The following COMMD10 variants were observed in gnomAD, a reference collection of about 807,000 sequenced individuals.
COMMD10 encodes the protein COMM domain-containing protein 10.
In COMMD10, 33 loss-of-function variants were observed where a neutral mutation model predicts 28.9. The observed-to-expected ratio is 1.14, with a 90% CI of 0.87 to 1.53. The LOEUF (loss-of-function observed/expected upper bound fraction) is 1.53. Among genes scored for constraint, COMMD10 ranks in the 40% most tolerant of loss-of-function variants. The pLI is 0.00. For synonymous variants in COMMD10, 110 were observed against 81.7 expected (o/e 1.35, Z -1.87); for missense variants, 310 against 233.4 (o/e 1.33, Z -2.14).
intron 5 of COMMD10, among the ~76,000 whole-genome samples, chr5:116,274,285 T>A (rs1187281805): frequency 6.6e-6 from 1 of 151,896 alleles, no homozygotes; most frequent in African/African-American, 2.4e-5. Flanking sequence ...TTTGAGACAT[T>A]TGTCTACAAT....
intron 5 of COMMD10, among the ~76,000 whole-genome samples, chr5:116,204,613 G>A (rs7709426): frequency 6.6e-6 from 1 of 151,834 alleles, no homozygotes; most frequent in Admixed American, 6.6e-5. Flanking sequence ...CCCTTTATTT[G>A]AATTTACAGA....
intron 5 of COMMD10, among the ~76,000 whole-genome samples, chr5:116,211,403 A>G (rs535553907): frequency 6.6e-6 from 1 of 152,130 alleles, no homozygotes; most frequent in Non-Finnish European, 1.5e-5. Context: ...CAATTGTAAA[A>G]CAGTGGTAAG....
intron 4 of COMMD10, among the ~76,000 whole-genome samples, chr5:116,101,362 A>G (rs954906974): frequency 1.3e-5 from 2 of 151,840 alleles, no homozygotes; most frequent in African/African-American, 4.8e-5. Context: ...TTTCCATAAG[A>G]GTTCTCTTTT....
chr5:116,131,649 CA>C (rs1751866892), intron 4 of COMMD10, among the ~76,000 whole-genome samples: 1 of 151,886 alleles, frequency 6.6e-6, no homozygotes, highest in African/African-American at 2.4e-5. Flanking sequence ...TTGTAGGTCA[CA>C]AGGATATAAA....
intron 5 of COMMD10, among the ~76,000 whole-genome samples, chr5:116,143,828 G>T (rs895258380): frequency 6.6e-6 from 1 of 151,780 alleles, no homozygotes; most frequent in Admixed American, 6.6e-5. Context: ...GAGTTACTAG[G>T]CAAGGTATTC....
intron 5 of COMMD10, among the ~76,000 whole-genome samples, chr5:116,147,952 A>G (rs1752398547): frequency 6.6e-6 from 1 of 151,842 alleles, no homozygotes; most frequent in African/African-American, 2.4e-5. Flanking sequence ...TTTTATTGTC[A>G]GTACATGAGC....
At chr5:116,270,888 G>A (rs1750734723) in intron 5 of COMMD10, among the ~76,000 whole-genome samples, 1 of 150,192 alleles carries the variant, frequency 6.7e-6, no homozygotes. Flanking sequence ...GCAGTCAGCC[G>A]AGATCACACC....
intron 4 of COMMD10, among the ~76,000 whole-genome samples, chr5:116,129,140 C>T (rs1402375774): frequency 1.3e-5 from 2 of 151,518 alleles, no homozygotes; most frequent in East Asian, 3.9e-4. Context: ...CTTCTTGTAA[C>T]TTTTGATTTT....
chr5:116,239,992 AGAGTT>A (rs1749772220), intron 5 of COMMD10, among the ~76,000 whole-genome samples: 1 of 152,116 alleles, frequency 6.6e-6, no homozygotes, highest in Non-Finnish European at 1.5e-5. Flanking sequence ...TCAGAGTAGA[AGAGTT>A]GAGGTGTCAT....
chr5:116,251,877 C>G (rs1352599290), intron 5 of COMMD10, among the ~76,000 whole-genome samples: 1 of 152,008 alleles, frequency 6.6e-6, no homozygotes, highest in Non-Finnish European at 1.5e-5. Flanking sequence ...ACACTGACTT[C>G]CACAAGGGTT....
At chr5:116,242,656 G>A (rs1310344148) in intron 5 of COMMD10, among the ~76,000 whole-genome samples, 1 of 152,146 alleles carries the variant, frequency 6.6e-6, no homozygotes, top group Non-Finnish European at 1.5e-5. Context: ...AGTGCAGAAA[G>A]AGGTATATAG....
intron 4 of COMMD10, among the ~76,000 whole-genome samples, chr5:116,121,493 A>G (rs186649332): frequency 5.3e-4 from 81 of 152,318 alleles, no homozygotes; most frequent in African/African-American, 1.9e-3. Context: ...TTGGGTATAT[A>G]CCCAGTAATG....
intron 5 of COMMD10, among the ~76,000 whole-genome samples, chr5:116,179,245 A>G (rs1747862465): frequency 6.6e-6 from 1 of 152,148 alleles, no homozygotes; most frequent in Admixed American, 6.6e-5. Flanking sequence ...AAGTATTAAG[A>G]CTATAAGTGT....
rs181242579 is a variant in COMMD10 at position 116,243,350 on chromosome 5, T to C, written c.511-48167T>C. ...AACAGAAACTTCAAATTTCACTCTT[T>C]TAAACTGAATAGGAGAGTATCTTAC... On this transcript the variant is annotated intron_variant, in intron 5 of 6. Coordinates refer to ENST00000274458, the MANE Select transcript of COMMD10 (RefSeq NM_016144.4). Among the ~76,000 whole-genome samples, 18 of 152,256 alleles carry C rather than the reference T, an allele frequency of 1.2e-4. No homozygotes were observed. In the East Asian group the frequency reaches 3.3e-3, roughly 28 times the overall value.
chr5:116,106,235 G>A (rs987428562), intron 4 of COMMD10, among the ~76,000 whole-genome samples: 1 of 151,668 alleles, frequency 6.6e-6, no homozygotes, highest in African/African-American at 2.4e-5. Context: ...CTTTTATTTC[G>A]TTTTCTACCC....
chr5:116,139,189 G>A (rs1189383403), intron 5 of COMMD10, among the ~76,000 whole-genome samples: 2 of 151,690 alleles, frequency 1.3e-5, no homozygotes, highest in African/African-American at 2.4e-5. Context: ...TAGGATTATC[G>A]TTACATGGAC....
At chr5:116,256,802 A>G (rs1344652832) in intron 5 of COMMD10, among the ~76,000 whole-genome samples, 1 of 151,794 alleles carries the variant, frequency 6.6e-6, no homozygotes. Flanking sequence ...AAGTTTGCAT[A>G]CATTGAATCA....
intron 5 of COMMD10, among the ~76,000 whole-genome samples, chr5:116,281,701 A>G (rs751218922): frequency 3.9e-5 from 6 of 151,920 alleles, no homozygotes; most frequent in Non-Finnish European, 8.8e-5. Context: ...AAATTTAAAA[A>G]TAAGCCATCC....
chr5:116,152,441 A>G (rs1752560624), intron 5 of COMMD10, among the ~76,000 whole-genome samples: 1 of 152,094 alleles, frequency 6.6e-6, no homozygotes, highest in Admixed American at 6.6e-5. Context: ...CTGTAAATGT[A>G]GATAAAAAAT....
Sources: gnomAD v4.1 joint callset for allele counts (sites outside exome capture counted in the v4.1 genomes callset) on GRCh38, gnomAD v4.1.1 for gene constraint, MANE v1.5 for transcripts, NCBI Gene and HGNC (gene_info 2026-07-23, HGNC 2026-07-21) for gene names.